The following STT3B variants were observed in gnomAD, a reference collection of about 807,000 sequenced individuals.
STT3B encodes the protein STT3 oligosaccharyltransferase complex catalytic subunit B.
A neutral mutation model predicts 96.8 loss-of-function variants in STT3B; 29 were observed. That is an observed-to-expected ratio of 0.30 (90% confidence interval 0.22 to 0.41). The LOEUF is 0.41. STT3B is among the 10% of genes least tolerant of loss of function. STT3B has a pLI of 1.00. For synonymous variants in STT3B, 367 were observed against 360.0 expected, an observed-to-expected ratio of 1.02 and a Z score of -0.22; for missense variants, 640 against 1,022.3, an observed-to-expected ratio of 0.63 and a Z score of 5.10.
At chr3:31,584,024 G>T (rs1012371959) in intron 3 of STT3B, among the ~76,000 whole-genome samples, 1 of 152,122 alleles carries the variant, frequency 6.6e-6, no homozygotes, top group Non-Finnish European at 1.5e-5. Flanking sequence ...TTACACCTCT[G>T]TTTCCTTCTA....
intron 4 of STT3B, 83 bp from the exon 5 acceptor site, chr3:31,600,277 G>T (rs185163001): frequency 5.6e-5 from 30 of 536,862 alleles, no homozygotes; most frequent in Non-Finnish European, 7.3e-5. Flanking sequence ...GTTTATATTT[G>T]CTCATTGTAT....
At chr3:31,562,319 G>A (rs561604842) in intron 1 of STT3B, among the ~76,000 whole-genome samples, 44 of 152,312 alleles carry the variant, frequency 2.9e-4, no homozygotes, top group African/African-American at 1.0e-3. Context: ...GGTGATGCAT[G>A]AGTATGGGTC....
At chr3:31,566,506 CACA>C (rs1410586075) in intron 1 of STT3B, among the ~76,000 whole-genome samples, 7 of 152,244 alleles carry the variant, frequency 4.6e-5, no homozygotes, top group Admixed American at 2.0e-4. Flanking sequence ...AAGTAGTGTA[CACA>C]ACATAAATTA....
At chr3:31,633,802 G>A (rs1699710438) in intron 15 of STT3B, among the ~76,000 whole-genome samples, 1 of 152,110 alleles carries the variant, frequency 6.6e-6, no homozygotes, top group South Asian at 2.1e-4. Flanking sequence ...TTGTCCAGCA[G>A]TAGGAAATGG....
At chr3:31,562,479 G>A (rs962080919) in intron 1 of STT3B, among the ~76,000 whole-genome samples, 2 of 152,168 alleles carry the variant, frequency 1.3e-5, no homozygotes, top group East Asian at 3.9e-4. Flanking sequence ...TTTGGTGGGG[G>A]TATGGAGCTA....
intron 5 of STT3B, among the ~76,000 whole-genome samples, chr3:31,603,418 C>G (rs1276814308): frequency 6.6e-6 from 1 of 151,786 alleles, no homozygotes; most frequent in African/African-American, 2.4e-5. Flanking sequence ...GCCGTCTCTA[C>G]TTGAAATTTT....
intron 2 of STT3B, among the ~76,000 whole-genome samples, chr3:31,577,914 C>T (rs915766219): frequency 2.6e-5 from 4 of 152,052 alleles, no homozygotes; most frequent in Admixed American, 6.6e-5. Context: ...AATTAATCCT[C>T]AGTGGAAGCC....
chr3:31,570,147 A>C (rs894181740), intron 1 of STT3B, among the ~76,000 whole-genome samples: 1 of 152,184 alleles, frequency 6.6e-6, no homozygotes, highest in Non-Finnish European at 1.5e-5. Flanking sequence ...ATTGAAGACT[A>C]CCTTTGTACA....
chr3:31,623,727 A>G lies in STT3B; in HGVS notation c.1593A>G (p.Leu531=), dbSNP rs747634524. The change falls in exon 11 of 16, where the codon TTA becomes TTG. Residue 531 remains leucine, a synonymous_variant. Transcript: ENST00000295770. ...AACAGGAAAAAACTGAAGAGGGATT[A>G]GGCCCTAATATAAAAAGCATTGTCA... ...ATEQEKTEEG[L]GPNIKSIVTM... is the part of the protein sequence containing the mutation. 3 of 1,613,956 alleles carry G rather than the reference A, an allele frequency of 1.9e-6. No individual in the cohort carries two copies. The highest frequency in any genetic ancestry group is 2.5e-6 in the Non-Finnish European group (3 of 1,179,862).
At chr3:31,633,189 G>A in intron 15 of STT3B, 42 bp downstream of exon 15, 1 of 1,545,338 alleles carries the variant, frequency 6.5e-7, no homozygotes, top group Non-Finnish European at 8.8e-7. Context: ...CTTAAGGTGT[G>A]TTGGTTTGTA....
chr3:31,604,183 G>A (rs1698996251), intron 5 of STT3B, among the ~76,000 whole-genome samples: 1 of 152,042 alleles, frequency 6.6e-6, no homozygotes, highest in East Asian at 1.9e-4. Context: ...TATCTAAAAT[G>A]TATTTTTTAG....
intron 13 of STT3B, among the ~76,000 whole-genome samples, chr3:31,628,727 A>G (rs1460449181): frequency 6.6e-6 from 1 of 152,210 alleles, no homozygotes; most frequent in East Asian, 1.9e-4. Flanking sequence ...ACACTTAAGA[A>G]AACTCTGAAA....
chr3:31,590,402 A>G (rs779190536), intron 3 of STT3B, among the ~76,000 whole-genome samples: 1 of 151,606 alleles, frequency 6.6e-6, no homozygotes, highest in African/African-American at 2.4e-5. Context: ...CTCCATTTCT[A>G]CTTTTCTAGT....
intron 13 of STT3B, 55 bp downstream of exon 13, chr3:31,626,182 A>G: frequency 6.8e-7 from 1 of 1,468,506 alleles, no homozygotes. Context: ...TGTCCTCGTA[A>G]TTCTCTCATC....
At chr3:31,629,739 G>GTT (rs1378408589) in intron 14 of STT3B, among the ~76,000 whole-genome samples, 1 of 152,170 alleles carries the variant, frequency 6.6e-6, no homozygotes, top group Non-Finnish European at 1.5e-5. Flanking sequence ...AAACAGTGTG[G>GTT]TGTCTTAGGT....
intron 1 of STT3B, among the ~76,000 whole-genome samples, chr3:31,557,352 A>C (rs1172827813): frequency 1.3e-5 from 2 of 150,820 alleles, no homozygotes; most frequent in Non-Finnish European, 3.0e-5. Flanking sequence ...GGCTATTCTC[A>C]CTCTTCCTTG....
At chr3:31,615,406 G>A (rs1699284183) in intron 6 of STT3B, among the ~76,000 whole-genome samples, 1 of 151,754 alleles carries the variant, frequency 6.6e-6, no homozygotes, top group Non-Finnish European at 1.5e-5. Flanking sequence ...AAGTCTGTGG[G>A]TAGTTATTTT....
At chr3:31,611,592 G>T (rs549271011) in intron 5 of STT3B, among the ~76,000 whole-genome samples, 2 of 152,256 alleles carry the variant, frequency 1.3e-5, no homozygotes, top group East Asian at 1.9e-4. Context: ...TGCCTCCCCA[G>T]TTCAAACGAT....
At chr3:31,567,008 ATATC>A (rs1698021748) in intron 1 of STT3B, among the ~76,000 whole-genome samples, 1 of 152,170 alleles carries the variant, frequency 6.6e-6, no homozygotes, top group Non-Finnish European at 1.5e-5. Context: ...CATTTTTCTA[ATATC>A]TTGTCATGCA....
Sources: allele counts gnomAD v4.1 joint callset (sites outside exome capture counted in the v4.1 genomes callset), GRCh38; gene constraint gnomAD v4.1.1; transcripts MANE v1.5; gene names NCBI Gene and HGNC (gene_info 2026-07-23, HGNC 2026-07-21).